CADM2: variants seen among roughly 807,000 people sequenced by gnomAD.
CADM2 encodes the protein cell adhesion molecule 2.
In CADM2, 12 loss-of-function variants were observed where a neutral mutation model predicts 49.8. The observed-to-expected ratio is 0.24, with a 90% confidence interval of 0.15 to 0.39. The LOEUF (loss-of-function observed/expected upper bound fraction) is 0.39. CADM2 is among the 10% of genes least tolerant of loss of function. The pLI, the probability that CADM2 is intolerant of heterozygous loss-of-function variation, is 1.00. For missense variants in CADM2, 378 were observed against 492.3 expected (o/e 0.77, Z 2.20); for synonymous variants, 214 against 175.4 (o/e 1.22, Z -1.74).
At chr3:85,628,544 TATATATACACACACATATATATAC>T (rs2064195083) in intron 1 of CADM2, among the ~76,000 whole-genome samples, 1 of 36,702 alleles carries the variant, frequency 2.7e-5, no homozygotes, top group Non-Finnish European at 5.0e-5. Flanking sequence ...TATATACACA[TATATATACACACACATATATATAC>T]ATATATACAC....
chr3:85,443,645 A>C (rs2037310734), intron 1 of CADM2, among the ~76,000 whole-genome samples: 2 of 152,112 alleles, frequency 1.3e-5, no homozygotes, highest in South Asian at 4.1e-4. Context: ...TTTTCTACAC[A>C]ACTGATTAAC....
intron 1 of CADM2, among the ~76,000 whole-genome samples, chr3:85,489,667 A>T (rs577484301): frequency 3.3e-5 from 5 of 150,938 alleles, no homozygotes; most frequent in African/African-American, 1.2e-4. Flanking sequence ...AAAAGAAAAA[A>T]AATCAAACAA....
At chr3:84,977,177 C>A (rs892984117) in intron 1 of CADM2, among the ~76,000 whole-genome samples, 4 of 151,878 alleles carry the variant, frequency 2.6e-5, no homozygotes, top group Admixed American at 6.6e-5. Flanking sequence ...AAATCAGAAT[C>A]TCCAATGAAG....
chr3:85,253,026 A>G (rs985237519), intron 1 of CADM2, among the ~76,000 whole-genome samples: 1 of 152,132 alleles, frequency 6.6e-6, no homozygotes, highest in Non-Finnish European at 1.5e-5. Flanking sequence ...GATTACAGTA[A>G]GTCTTCACAG....
At chr3:85,069,510 A>G (rs1162249012) in intron 1 of CADM2, among the ~76,000 whole-genome samples, 1 of 152,160 alleles carries the variant, frequency 6.6e-6, no homozygotes, top group Admixed American at 6.6e-5. Flanking sequence ...TAAGTTAAAC[A>G]TGAAATATTT....
rs1243134965 is a variant in CADM2 at position 86,067,622 on chromosome 3, C to T, written c.*839C>T. On this transcript the variant is annotated 3_prime_UTR_variant, in exon 10 of 10. Coordinates refer to ENST00000383699, the MANE Select transcript of CADM2 (RefSeq NM_001167675.2). ...ACCTGCCTAAACAATATTGAAGTAT[C>T]CATAGGGCACAATTTTCAGACATTT... 6.6e-6 allele frequency: 1 copy of T among 152,450 alleles called. No individual in the cohort carries two copies. Among genetic ancestry groups the T allele is most frequent in the Non-Finnish European group, 1.5e-5 (1 of 67,906 alleles). The allele number at this position is 152,450 out of a possible 1,614,324, so 9.4% of individuals were successfully genotyped here.
At chr3:85,326,540 T>A (rs1158596990) in intron 1 of CADM2, among the ~76,000 whole-genome samples, 1 of 152,152 alleles carries the variant, frequency 6.6e-6, no homozygotes, top group Non-Finnish European at 1.5e-5. Flanking sequence ...TTCAAAATGT[T>A]CAATATTATA....
chr3:84,993,830 TA>T (rs35246950), intron 1 of CADM2, among the ~76,000 whole-genome samples: 12,139 of 152,150 alleles, frequency 0.08, 687 homozygotes, highest in Admixed American at 0.19. Flanking sequence ...AGCGTGACAA[TA>T]AATACTAATG....
chr3:85,555,625 T>G (rs918531837), intron 1 of CADM2, among the ~76,000 whole-genome samples: 1 of 152,082 alleles, frequency 6.6e-6, no homozygotes, highest in Admixed American at 6.6e-5. Context: ...GAATTTTTGT[T>G]CAATATATTT....
At chr3:85,461,033 T>C (rs11127891) in intron 1 of CADM2, among the ~76,000 whole-genome samples, 37,590 of 152,036 alleles carry the variant, frequency 0.25, 4,820 homozygotes, top group South Asian at 0.34. Flanking sequence ...ATTATTTTAA[T>C]TCACAAACTT....
At chr3:85,239,799 A>T (rs1249489289) in intron 1 of CADM2, among the ~76,000 whole-genome samples, 2 of 151,376 alleles carry the variant, frequency 1.3e-5, no homozygotes, top group Non-Finnish European at 3.0e-5. Flanking sequence ...ATTTTATTTT[A>T]TTCAGTTCTT....
At chr3:85,336,213 C>A (rs2045074797) in intron 1 of CADM2, among the ~76,000 whole-genome samples, 1 of 151,410 alleles carries the variant, frequency 6.6e-6, no homozygotes, top group Admixed American at 6.6e-5. Flanking sequence ...CAAGTGGAAC[C>A]CCATGTTTTT....
chr3:85,640,012 A>C (rs1364000315), intron 1 of CADM2, among the ~76,000 whole-genome samples: 1 of 152,116 alleles, frequency 6.6e-6, no homozygotes, highest in Non-Finnish European at 1.5e-5. Flanking sequence ...TTCCTTCATC[A>C]CTTCAAAGCA....
In CADM2 at chr3:85,818,345, C is replaced by A. The variant is rs139277004; in HGVS notation, c.238+16149C>A. Among the ~76,000 whole-genome samples, 1,391 of 152,214 alleles carry A rather than the reference C, an allele frequency of 9.1e-3. 13 individuals are homozygous for A. Among genetic ancestry groups the A allele is most frequent in the Non-Finnish European group, 0.013 (881 of 68,018 alleles). ...GAGAAATGTATGAAAGAGGCTCTCC[C>A]ACCTGCAGGGCTGCCTCTGAGTCTG... is the stretch of plus-strand genomic sequence containing the variant. On this transcript the variant is annotated intron_variant, in intron 3 of 9. Coordinates refer to ENST00000383699, the MANE Select transcript of CADM2 (RefSeq NM_001167675.2).
At chr3:85,988,888 A>G (rs116723854) in intron 8 of CADM2, among the ~76,000 whole-genome samples, 12 of 152,308 alleles carry the variant, frequency 7.9e-5, no homozygotes, top group Non-Finnish European at 1.8e-4. Flanking sequence ...TGGGCAAAAG[A>G]GAAAGCAACT....
intron 1 of CADM2, among the ~76,000 whole-genome samples, chr3:85,481,616 G>A (rs2039214100): frequency 1.3e-5 from 2 of 151,640 alleles, no homozygotes; most frequent in Admixed American, 1.3e-4. Context: ...GGGGTTGGGG[G>A]TGAGGAGGTA....
At chr3:85,471,903 C>A (rs1190662914) in intron 1 of CADM2, among the ~76,000 whole-genome samples, 8 of 151,624 alleles carry the variant, frequency 5.3e-5, no homozygotes, top group South Asian at 2.1e-4. Context: ...TAAAACCAGG[C>A]CATTCTATTC....
At chr3:85,496,652 C>T (rs1298002036) in intron 1 of CADM2, among the ~76,000 whole-genome samples, 1 of 152,128 alleles carries the variant, frequency 6.6e-6, no homozygotes, top group Non-Finnish European at 1.5e-5. Flanking sequence ...AATTTGCAGT[C>T]CCACCAACAG....
chr3:85,428,243 A>T (rs2036502949), intron 1 of CADM2, among the ~76,000 whole-genome samples: 1 of 150,094 alleles, frequency 6.7e-6, no homozygotes, highest in East Asian at 1.9e-4. Context: ...ATGAAAATAT[A>T]TATACTTGAA....
Sources: allele counts gnomAD v4.1 joint callset (sites outside exome capture counted in the v4.1 genomes callset), GRCh38; gene constraint gnomAD v4.1.1; transcripts MANE v1.5; gene names NCBI Gene and HGNC (gene_info 2026-07-23, HGNC 2026-07-21).